NAV2: variants seen among roughly 807,000 people sequenced by gnomAD.
NAV2 encodes the protein helicase, APC down-regulated 1.
Under a neutral mutation model 223.2 loss-of-function variants are expected in NAV2, and 54 were observed. That is an observed-to-expected ratio of 0.24 (90% CI 0.19 to 0.30). NAV2 has a LOEUF of 0.30. Among genes scored for constraint, NAV2 ranks in the 10% least tolerant of loss-of-function variants. The pLI is 1.00. For synonymous variants in NAV2, 1,279 were observed against 1,239.3 expected (o/e 1.03, Z -0.67); for missense variants, 2,806 against 3,147.5 (o/e 0.89, Z 2.60).
intron 1 of NAV2, among the ~76,000 whole-genome samples, chr11:19,597,655 A>G (rs1565086835): frequency 1.3e-5 from 2 of 152,232 alleles, no homozygotes; most frequent in African/African-American, 4.8e-5. Flanking sequence ...GTAAGTCCCA[A>G]TTAGTTGCTT....
rs202119285 is a variant in NAV2, at chr11:19,355,139, T to G, written c.75+4112T>G. Among the ~76,000 whole-genome samples the G allele has an allele frequency of 5.9e-5, 9 of 152,192 alleles. No individual in the cohort carries two copies. The East Asian group carries it at 1.7e-3, about 29-fold the overall frequency. ...TTCCTGACAGACACCTATTGATCAG[T>G]CAAGGGAATGACTTTTTGATTGATT... On this transcript the variant is annotated intron_variant, in intron 1 of 37. Coordinates refer to the NAV2 transcript ENST00000360655.
At chr11:19,912,253 G>C (rs1273240606) in intron 6 of NAV2, among the ~76,000 whole-genome samples, 1 of 152,162 alleles carries the variant, frequency 6.6e-6, no homozygotes, top group Non-Finnish European at 1.5e-5. Flanking sequence ...AGGACACTTT[G>C]CTGCTTCATT....
rs144365110 is a variant in NAV2, at chr11:19,828,635, C to T, written c.268-3849C>T. ...TCCTCAGTAGCTGTGACTATGGGCA[C>T]GTGCCATCACACCCGGCTAATTTTT... On this transcript the variant is annotated intron_variant, in intron 1 of 37. Transcript: ENST00000349880. Among the ~76,000 whole-genome samples the T allele has an allele frequency of 2.1e-3, 321 of 152,192 alleles. 1 individual carries two copies. Among genetic ancestry groups the T allele is most frequent in the African/African-American group, 5.6e-3 (233 of 41,500 alleles).
intron 1 of NAV2, among the ~76,000 whole-genome samples, chr11:19,513,429 C>T (rs1038068727): frequency 4.3e-4 from 66 of 152,264 alleles, no homozygotes; most frequent in Non-Finnish European, 6.8e-4. Context: ...GATGTGGCTG[C>T]CACACTCCTT....
chr11:19,667,610 C>T (rs187745621), intron 1 of NAV2, among the ~76,000 whole-genome samples: 204 of 152,188 alleles, frequency 1.3e-3, no homozygotes, highest in Non-Finnish European at 1.7e-3. Flanking sequence ...ATAATAGGTG[C>T]TTATTAGGAG....
chr11:19,620,073 T>C (rs970550201), intron 1 of NAV2, among the ~76,000 whole-genome samples: 7 of 152,204 alleles, frequency 4.6e-5, no homozygotes, highest in African/African-American at 1.7e-4. Flanking sequence ...TAGTTGTAGA[T>C]GTGTGATATT....
chr11:19,408,819 C>T (rs903718997), intron 1 of NAV2, among the ~76,000 whole-genome samples: 4 of 122,390 alleles, frequency 3.3e-5, no homozygotes, highest in South Asian at 2.5e-4. Context: ...TTTTTTCTGG[C>T]GGGGTGGGGG....
chr11:19,842,607 C>T (rs1286541252), intron 2 of NAV2, among the ~76,000 whole-genome samples: 2 of 152,136 alleles, frequency 1.3e-5, no homozygotes, highest in African/African-American at 4.8e-5. Flanking sequence ...AGCATTTCCA[C>T]GATGCCCCTT....
chr11:19,397,396 A>AGGGTGTGT (rs1849494292), intron 1 of NAV2, among the ~76,000 whole-genome samples: 1 of 143,820 alleles, frequency 7.0e-6, no homozygotes, highest in Non-Finnish European at 1.5e-5. Flanking sequence ...TTCTCTGGGG[A>AGGGTGTGT]GTGTGTGTGT....
At chr11:19,651,485 C>A (rs551951966) in intron 1 of NAV2, among the ~76,000 whole-genome samples, 116 of 152,308 alleles carry the variant, frequency 7.6e-4, no homozygotes, top group Middle Eastern at 3.4e-3. Context: ...CACACCCCAC[C>A]GGGCCACATG....
At chr11:20,059,177 A>G (rs2058550146) in intron 19 of NAV2, among the ~76,000 whole-genome samples, 1 of 152,056 alleles carries the variant, frequency 6.6e-6, no homozygotes, top group African/African-American at 2.4e-5. Context: ...AGGGCAGTCC[A>G]TTAGCCATCA....
chr11:19,961,618 A>G (rs1396206335), intron 10 of NAV2, among the ~76,000 whole-genome samples: 1 of 152,180 alleles, frequency 6.6e-6, no homozygotes, highest in East Asian at 1.9e-4. Context: ...CTGACTTCAC[A>G]TTTCTTGATT....
At chr11:19,784,388 TAAAAAA>T (rs1162911472) in intron 1 of NAV2, among the ~76,000 whole-genome samples, 13 of 50,946 alleles carry the variant, frequency 2.6e-4, no homozygotes, top group African/African-American at 1.2e-3. Context: ...AGCTCCATCT[TAAAAAA>T]AAAAAAAAAA....
At chr11:19,634,526 C>T (rs1051031745) in intron 1 of NAV2, among the ~76,000 whole-genome samples, 1 of 152,040 alleles carries the variant, frequency 6.6e-6, no homozygotes, top group Non-Finnish European at 1.5e-5. Context: ...AGGAACAACC[C>T]CTCACAAATA....
intron 11 of NAV2, among the ~76,000 whole-genome samples, chr11:20,028,214 G>A (rs2055303540): frequency 2.0e-5 from 3 of 152,066 alleles, no homozygotes; most frequent in Admixed American, 6.6e-5. Context: ...ATAGCAAATC[G>A]CTTGTCTTGG....
At chr11:19,444,226 C>T (rs1436565055) in intron 1 of NAV2, among the ~76,000 whole-genome samples, 1 of 152,202 alleles carries the variant, frequency 6.6e-6, no homozygotes, top group Admixed American at 6.5e-5. Flanking sequence ...CAGGCATGAG[C>T]CACTGTGCCT....
intron 2 of NAV2, among the ~76,000 whole-genome samples, chr11:19,837,797 T>G (rs1204898098): frequency 1.3e-5 from 2 of 152,258 alleles, no homozygotes; most frequent in Non-Finnish European, 2.9e-5. Flanking sequence ...TACGTGATCC[T>G]GAACTGCATC....
intron 1 of NAV2, among the ~76,000 whole-genome samples, chr11:19,688,829 G>A (rs75036100): frequency 1.2e-3 from 188 of 152,230 alleles, no homozygotes; most frequent in African/African-American, 4.0e-3. Context: ...ATGGTATGCC[G>A]CAGTTAGCCT....
upstream of NAV2, among the ~76,000 whole-genome samples, chr11:19,708,931 GT>G (rs2049764871): frequency 6.7e-6 from 1 of 150,022 alleles, no homozygotes; most frequent in African/African-American, 2.4e-5. Flanking sequence ...AAAGAAAAAA[GT>G]TATTTTAATA....
Sources: gnomAD v4.1 joint callset for allele counts (sites outside exome capture counted in the v4.1 genomes callset) on GRCh38, gnomAD v4.1.1 for gene constraint, MANE v1.5 for transcripts, NCBI Gene and HGNC (gene_info 2026-07-23, HGNC 2026-07-21) for gene names.